Variants in CDH13 observed in about 807,000 individuals in gnomAD.
CDH13 encodes cadherin 13.
In CDH13, 24 loss-of-function variants were observed where a neutral mutation model predicts 63.8. The ratio of observed to expected loss-of-function variants is 0.38; its 90% CI spans 0.27 to 0.53. The LOEUF (loss-of-function observed/expected upper bound fraction) is 0.53, where lower values mean the gene tolerates loss of function less well. Ranked by LOEUF, CDH13 falls within the 20% of genes least tolerant of loss-of-function variation. The pLI is 0.85. For missense variants in CDH13, 1,049 were observed against 903.1 expected (o/e 1.16, Z -2.07); for synonymous variants, 503 against 355.3 (o/e 1.42, Z -4.67).
intron 13 of CDH13, among the ~76,000 whole-genome samples, chr16:83,785,187 A>G (rs1305765535): frequency 6.6e-6 from 1 of 152,206 alleles, no homozygotes; most frequent in African/African-American, 2.4e-5. Flanking sequence ...ACTATAACAA[A>G]ATACCATAAA....
chr16:83,033,489 A>G (rs759710564), intron 3 of CDH13, among the ~76,000 whole-genome samples: 9 of 152,136 alleles, frequency 5.9e-5, no homozygotes, highest in Non-Finnish European at 1.2e-4. Flanking sequence ...GTACAGGCAT[A>G]CACATACTAT....
chr16:83,563,622 T>G (rs1185542641), intron 7 of CDH13, among the ~76,000 whole-genome samples: 1 of 152,212 alleles, frequency 6.6e-6, no homozygotes, highest in East Asian at 1.9e-4. Context: ...TCCTTTTGAC[T>G]GAAGTGCAAG....
intron 6 of CDH13, among the ~76,000 whole-genome samples, chr16:83,447,208 A>G (rs2072730640): frequency 7.3e-6 from 1 of 137,134 alleles, no homozygotes; most frequent in Non-Finnish European, 1.5e-5. Context: ...TGAGGTCAGG[A>G]GTTCGAGACC....
At chr16:83,260,578 G>T (rs1179168697) in intron 5 of CDH13, among the ~76,000 whole-genome samples, 2 of 152,138 alleles carry the variant, frequency 1.3e-5, no homozygotes, top group African/African-American at 4.8e-5. Flanking sequence ...CAGCAGGTCT[G>T]GGAGGGACTG....
chr16:83,283,997 C>T (rs897011690), intron 5 of CDH13, among the ~76,000 whole-genome samples: 6 of 152,170 alleles, frequency 3.9e-5, no homozygotes, highest in Non-Finnish European at 8.8e-5. Flanking sequence ...TGAGGATAGA[C>T]ATGTATCTTT....
At chr16:82,802,680 A>G (rs187645754) in intron 1 of CDH13, among the ~76,000 whole-genome samples, 191 of 152,296 alleles carry the variant, frequency 1.3e-3, no homozygotes, top group Non-Finnish European at 2.0e-3. Flanking sequence ...AGAGTACACT[A>G]AAGACAGGAA....
intron 5 of CDH13, among the ~76,000 whole-genome samples, chr16:83,254,376 A>G (rs554259662): frequency 3.9e-5 from 6 of 152,330 alleles, no homozygotes; most frequent in Non-Finnish European, 7.3e-5. Context: ...CAGACCTAAG[A>G]TTGAGGAACC....
At chr16:82,784,555 A>G (rs61037133) in intron 1 of CDH13, among the ~76,000 whole-genome samples, 45,894 of 152,122 alleles carry the variant, frequency 0.3, 7,532 homozygotes, top group South Asian at 0.45. Context: ...TGTCCACAGA[A>G]TACCCACGGT....
chr16:83,347,255 C>G lies in CDH13; in HGVS notation c.781+2249C>G, dbSNP rs1431970571. Among the ~76,000 whole-genome samples, 7 of 148,124 alleles carry G rather than the reference C, an allele frequency of 4.7e-5. No individual in the cohort carries two copies. In the East Asian group the frequency reaches 1.4e-3, roughly 30 times the overall value. On this transcript the variant is annotated intron_variant, in intron 6 of 13. Transcript: ENST00000567109. ...TAACTGGCTATAAAAATGATCGTCT[C>G]TTGTATTTCCATTATGCTCTGCTCA...
intron 7 of CDH13, among the ~76,000 whole-genome samples, chr16:83,503,638 C>T (rs908248766): frequency 1.3e-5 from 2 of 152,134 alleles, no homozygotes; most frequent in East Asian, 1.9e-4. Context: ...GGAAAAGATG[C>T]TTGACCAGTG....
At chr16:82,992,702 C>CA (rs368963043) in intron 2 of CDH13, among the ~76,000 whole-genome samples, 13 of 151,908 alleles carry the variant, frequency 8.6e-5, no homozygotes, top group African/African-American at 2.7e-4. Context: ...GGGTGATATA[C>CA]AAAAAAAAGT....
intron 1 of CDH13, among the ~76,000 whole-genome samples, chr16:82,843,298 G>T (rs1431178213): frequency 6.6e-6 from 1 of 152,188 alleles, no homozygotes; most frequent in African/African-American, 2.4e-5. Context: ...CAATGCATGA[G>T]TCCTTCAGAA....
intron 7 of CDH13, among the ~76,000 whole-genome samples, chr16:83,519,289 C>T (rs1319927553): frequency 6.6e-5 from 10 of 152,268 alleles, no homozygotes; most frequent in Non-Finnish European, 2.9e-5. Context: ...GCATTGGAGT[C>T]CAGTGATATC....
At chr16:83,656,140 C>A (rs1486639675) in intron 8 of CDH13, among the ~76,000 whole-genome samples, 1 of 152,148 alleles carries the variant, frequency 6.6e-6, no homozygotes, top group Non-Finnish European at 1.5e-5. Flanking sequence ...TTCTGTCTGT[C>A]TGAGTTTGCC....
chr16:83,161,920 G>T (rs2037464429), intron 4 of CDH13, among the ~76,000 whole-genome samples: 1 of 152,166 alleles, frequency 6.6e-6, no homozygotes, highest in Non-Finnish European at 1.5e-5. Context: ...GAGAACAAAT[G>T]ATCATTATTC....
At chr16:82,868,289 A>G (rs965159869) in intron 2 of CDH13, among the ~76,000 whole-genome samples, 3 of 152,172 alleles carry the variant, frequency 2.0e-5, no homozygotes, top group Non-Finnish European at 2.9e-5. Flanking sequence ...CTATATTTAA[A>G]CAGAGCTCAG....
At chr16:82,723,856 G>T (rs1478648534) in intron 1 of CDH13, among the ~76,000 whole-genome samples, 1 of 152,178 alleles carries the variant, frequency 6.6e-6, no homozygotes, top group Non-Finnish European at 1.5e-5. Flanking sequence ...CAAAGCAGGT[G>T]CTGCTCTGGC....
chr16:83,021,901 G>A (rs1915382241), intron 2 of CDH13, among the ~76,000 whole-genome samples: 1 of 152,190 alleles, frequency 6.6e-6, no homozygotes, highest in Non-Finnish European at 1.5e-5. Context: ...AGTCTGTAGG[G>A]TGTGCTTCTT....
chr16:82,806,931 T>G (rs992103723), intron 1 of CDH13, among the ~76,000 whole-genome samples: 3 of 152,120 alleles, frequency 2.0e-5, no homozygotes, highest in Non-Finnish European at 4.4e-5. Flanking sequence ...AGTGATCAGA[T>G]GTGGGCATAG....
Sources: allele counts gnomAD v4.1 joint callset (sites outside exome capture counted in the v4.1 genomes callset), GRCh38; gene constraint gnomAD v4.1.1; transcripts MANE v1.5; gene names NCBI Gene and HGNC (gene_info 2026-07-23, HGNC 2026-07-21).